SHANK2: variants seen among roughly 807,000 people sequenced by gnomAD.
The protein encoded by SHANK2 is SH3 and multiple ankyrin repeat domains 2, also known as SH3 and multiple ankyrin repeat domains protein 2.
A neutral mutation model predicts 133.7 loss-of-function variants in SHANK2; 43 were observed. The ratio of observed to expected loss-of-function variants is 0.32; its 90% confidence interval spans 0.25 to 0.41. The LOEUF (loss-of-function observed/expected upper bound fraction) is 0.41, where lower values mean the gene tolerates loss of function less well. SHANK2 is among the 10% of genes least tolerant of loss of function. The pLI, the probability that SHANK2 is intolerant of heterozygous loss-of-function variation, is 1.00. For missense variants in SHANK2, 1,994 were observed against 2,235.8 expected, an observed-to-expected ratio of 0.89 and a Z score of 2.18; for synonymous variants, 1,017 against 952.8, an observed-to-expected ratio of 1.07 and a Z score of -1.24.
At chr11:70,701,111 G>A (rs966789782) in intron 14 of SHANK2, among the ~76,000 whole-genome samples, 5 of 152,170 alleles carry the variant, frequency 3.3e-5, no homozygotes, top group African/African-American at 7.2e-5. Context: ...GAAATCGGAG[G>A]CCGGGGCCAG....
chr11:70,802,457 G>A (rs1487082441), intron 13 of SHANK2, among the ~76,000 whole-genome samples: 1 of 152,156 alleles, frequency 6.6e-6, no homozygotes, highest in Non-Finnish European at 1.5e-5. Context: ...ACCCCAGCCT[G>A]GGTACAGAAA....
chr11:70,656,507 C>T (rs1555011651), intron 17 of SHANK2, among the ~76,000 whole-genome samples: 1 of 152,170 alleles, frequency 6.6e-6, no homozygotes, highest in African/African-American at 2.4e-5. Flanking sequence ...CCTGCCCCTC[C>T]CACGGCCTCT....
At chr11:70,750,385 A>G (rs1555037255) in intron 14 of SHANK2, among the ~76,000 whole-genome samples, 2 of 152,170 alleles carry the variant, frequency 1.3e-5, no homozygotes, top group Non-Finnish European at 2.9e-5. Context: ...AGGCACCTAA[A>G]ACTCTGGAGG....
intron 17 of SHANK2, among the ~76,000 whole-genome samples, chr11:70,639,910 C>A (rs552941871): frequency 7.9e-5 from 12 of 152,162 alleles, no homozygotes; most frequent in African/African-American, 2.9e-4. Flanking sequence ...GACCCAGGGA[C>A]GGCCCCAAGG....
intron 14 of SHANK2, among the ~76,000 whole-genome samples, chr11:70,760,861 G>C (rs369940127): frequency 2.6e-5 from 4 of 152,350 alleles, no homozygotes; most frequent in East Asian, 1.9e-4. Flanking sequence ...GGAGTGACCT[G>C]TGGGGCAGAG....
At chr11:70,852,102 C>T (rs782162344) in intron 11 of SHANK2, among the ~76,000 whole-genome samples, 8 of 152,164 alleles carry the variant, frequency 5.3e-5, no homozygotes, top group African/African-American at 9.7e-5. Flanking sequence ...GTCCCCTGGC[C>T]GCCGGGGAGG....
At chr11:70,824,255 C>T (rs1165051053) in intron 11 of SHANK2, among the ~76,000 whole-genome samples, 1 of 152,068 alleles carries the variant, frequency 6.6e-6, no homozygotes, top group African/African-American at 2.4e-5. Flanking sequence ...CACAGAGCTG[C>T]GCAAAGCGTC....
intron 14 of SHANK2, among the ~76,000 whole-genome samples, chr11:70,708,487 C>G (rs782293497): frequency 4.6e-5 from 7 of 152,222 alleles, no homozygotes; most frequent in Non-Finnish European, 7.3e-5. Flanking sequence ...ACGAGAGCCA[C>G]ATGCCGCAGA....
intron 15 of SHANK2, among the ~76,000 whole-genome samples, chr11:70,678,172 A>G (rs1944941941): frequency 6.6e-6 from 1 of 152,166 alleles, no homozygotes; most frequent in Non-Finnish European, 1.5e-5. Flanking sequence ...TTTGAAACAG[A>G]GTCTCACTCT....
At chr11:70,876,932 C>A (rs1161876730) in intron 11 of SHANK2, among the ~76,000 whole-genome samples, 4 of 152,222 alleles carry the variant, frequency 2.6e-5, no homozygotes, top group Non-Finnish European at 5.9e-5. Context: ...CACTGGCCAA[C>A]AAAGGGCCTC....
At position 70,486,459 on chromosome 11, in the gene SHANK2, C is replaced by T. The variant is rs569322284; in HGVS notation, c.3834G>A (p.Thr1278=). ...NTRGPLRRQE[T]ENKYETDLGR... ...CCAGGTCGGTCTCGTACTTGTTCTC[C>T]GTCTCCTGCCGCCTCAGGGGTCCCC... Residue 1278 remains threonine (T), a synonymous_variant, in exon 25 of 26, where the codon ACG becomes ACA. Transcript: ENST00000601538. This position sits in a 1 kb window ranked among gnomAD's most constrained non-coding sequence, Gnocchi z 8.0. 3 of 1,614,118 alleles carry T rather than the reference C, an allele frequency of 1.9e-6. No homozygotes were observed. The highest frequency in any genetic ancestry group is 1.3e-5 in the African/African-American group (1 of 75,022).
chr11:70,935,098 T>C (rs928759952), intron 10 of SHANK2, among the ~76,000 whole-genome samples: 5 of 152,100 alleles, frequency 3.3e-5, no homozygotes, highest in Non-Finnish European at 5.9e-5. Flanking sequence ...AAAAAAAAAT[T>C]CCAGAAATAA....
At chr11:70,789,798 T>C (rs1947749995) in intron 14 of SHANK2, among the ~76,000 whole-genome samples, 1 of 152,186 alleles carries the variant, frequency 6.6e-6, no homozygotes, top group Non-Finnish European at 1.5e-5. Flanking sequence ...ATCCTACCTG[T>C]CTCTGGAGGA....
At chr11:70,947,529 G>C (rs1199679425) in intron 10 of SHANK2, among the ~76,000 whole-genome samples, 1 of 151,826 alleles carries the variant, frequency 6.6e-6, no homozygotes, top group African/African-American at 2.4e-5. Context: ...CTAATCCTGG[G>C]TAATTTTTGT....
chr11:70,635,273 C>T (rs2061057338), intron 17 of SHANK2: 1 of 152,200 alleles, frequency 6.6e-6, no homozygotes, highest in Admixed American at 6.5e-5. Flanking sequence ...GGTGGCAGCA[C>T]TATTCATGGT....
At chr11:70,829,670 AC>A (rs1555057876) in intron 11 of SHANK2, among the ~76,000 whole-genome samples, 2 of 152,012 alleles carry the variant, frequency 1.3e-5, no homozygotes, top group African/African-American at 4.8e-5. Context: ...TCCAGGGAAC[AC>A]CCCCAGGCTA....
chr11:70,630,213 G>A (rs1555001566), intron 17 of SHANK2, among the ~76,000 whole-genome samples: 2 of 152,232 alleles, frequency 1.3e-5, no homozygotes, highest in African/African-American at 4.8e-5. Context: ...TGCTGGGCTG[G>A]CACTGACCTT....
rs1590895546 is a variant in SHANK2, at chr11:71,086,154, ATATAT to A, written c.912+6263_912+6267del. ...ATTATATAATATATTATGTTATATA[ATATAT>A]TAAATTATATAATATATTATGTTAT... On this transcript the variant is annotated intron_variant, in intron 8 of 25. Transcript: ENST00000601538. 7.5e-4 allele frequency among the ~76,000 whole-genome samples: 10 copies of A among 13,384 alleles called. No homozygotes were observed. The East Asian group carries it at 0.012, about 15-fold the overall frequency. The allele number at this position is 13,384 out of a possible 152,430, so 8.8% of individuals were successfully genotyped here. A position where few individuals can be genotyped will look rare whatever the true frequency, so the allele number is the denominator to read the frequency against.
intron 3 of SHANK2, among the ~76,000 whole-genome samples, chr11:71,133,346 A>C (rs1395081250): frequency 8.9e-6 from 1 of 111,890 alleles, no homozygotes; most frequent in Non-Finnish European, 1.8e-5. Flanking sequence ...GGGAGGATGC[A>C]TGGCTGGCTG....
Sources: allele counts gnomAD v4.1 joint callset (sites outside exome capture counted in the v4.1 genomes callset), GRCh38; gene constraint gnomAD v4.1.1; non-coding constraint Gnocchi (gnomAD v3.1); transcripts MANE v1.5; gene names NCBI Gene and HGNC (gene_info 2026-07-23, HGNC 2026-07-21).